HAUS6: variants seen among roughly 807,000 people sequenced by gnomAD.
The protein encoded by HAUS6 is HAUS augmin-like complex subunit 6.
HAUS6 carries 80 observed loss-of-function variants against 106.8 expected under a neutral mutation model. That is an observed-to-expected ratio of 0.75 (90% confidence interval 0.63 to 0.90). The LOEUF is 0.90. Ranked by LOEUF, HAUS6 falls within the 40% of genes least tolerant of loss-of-function variation. The pLI is 0.00. For synonymous variants in HAUS6, 356 were observed against 379.1 expected (o/e 0.94, Z 0.71); for missense variants, 1,155 against 1,118.1 (o/e 1.03, Z -0.47).
chr9:19,078,450 T>C (rs1837059681), intron 9 of HAUS6, 148 bp from the exon 10 acceptor site: 3 of 576,528 alleles, frequency 5.2e-6, no homozygotes, highest in Non-Finnish European at 9.3e-6. Context: ...AAATAAACTC[T>C]CACAGGTGAA....
intron 8 of HAUS6, among the ~76,000 whole-genome samples, chr9:19,081,724 C>T (rs1837155415): frequency 1.3e-5 from 2 of 152,122 alleles, no homozygotes. Context: ...TAGGTGTGAG[C>T]CACCATACCC....
chr9:19,101,749 G>A (rs918078178), intron 1 of HAUS6, among the ~76,000 whole-genome samples: 5 of 152,118 alleles, frequency 3.3e-5, no homozygotes, highest in Admixed American at 3.3e-4. Context: ...GTGAAACCCC[G>A]TCTCTACTAA....
At chr9:19,081,795 C>A (rs1009425550) in intron 8 of HAUS6, among the ~76,000 whole-genome samples, 1 of 151,980 alleles carries the variant, frequency 6.6e-6, no homozygotes. Flanking sequence ...GCCAGGCACA[C>A]TGGCTCACGC....
intron 12 of HAUS6, among the ~76,000 whole-genome samples, chr9:19,068,115 T>G (rs1047613551): frequency 6.6e-6 from 1 of 151,984 alleles, no homozygotes; most frequent in African/African-American, 2.4e-5. Context: ...AAATATTTAG[T>G]TTGCTCCCTC....
At chr9:19,083,480 G>C (rs923442422) in intron 7 of HAUS6, among the ~76,000 whole-genome samples, 9 of 152,140 alleles carry the variant, frequency 5.9e-5, no homozygotes, top group African/African-American at 2.2e-4. Flanking sequence ...ATCGAATGAA[G>C]ATCATTCAGG....
intron 1 of HAUS6, among the ~76,000 whole-genome samples, chr9:19,100,732 T>C (rs1388899234): frequency 6.6e-6 from 1 of 152,194 alleles, no homozygotes; most frequent in Non-Finnish European, 1.5e-5. Flanking sequence ...GTGGTATATA[T>C]ACACAATGGA....
intron 10 of HAUS6, among the ~76,000 whole-genome samples, chr9:19,077,188 G>T (rs979813532): frequency 6.6e-6 from 1 of 152,170 alleles, no homozygotes; most frequent in East Asian, 1.9e-4. Flanking sequence ...GAGCAAGGGG[G>T]ATTACTTAGT....
Position 19,062,350 on chromosome 9 carries a change from A to G in HAUS6, c.1629+658T>C, listed in dbSNP as rs78595646. ...AGCTAAGCAACAAACAACACTGACA[A>G]AAGTATTTTAATATAGTATAAACAC... On this transcript the variant is annotated intron_variant, in intron 14 of 16. Transcript: ENST00000380502. Among the ~76,000 whole-genome samples, 1,196 of 152,332 alleles carry G rather than the reference A, an allele frequency of 7.9e-3. 14 individuals carry two copies. The highest frequency in any genetic ancestry group is 0.028 in the African/African-American group (1,146 of 41,580).
chr9:19,100,522 G>C (rs532496336), intron 1 of HAUS6, among the ~76,000 whole-genome samples: 1 of 152,268 alleles, frequency 6.6e-6, no homozygotes, highest in East Asian at 1.9e-4. Context: ...GAAACCATAG[G>C]CTCCTTAAAA....
At chr9:19,075,575 G>C (rs1836979231) in intron 11 of HAUS6, among the ~76,000 whole-genome samples, 1 of 152,088 alleles carries the variant, frequency 6.6e-6, no homozygotes, top group East Asian at 1.9e-4. Flanking sequence ...CAGTGCAAGT[G>C]AAAGAAGCCA....
intron 4 of HAUS6, 182 bp from the exon 5 acceptor site, chr9:19,089,741 A>T: frequency 1.9e-6 from 1 of 528,222 alleles, no homozygotes; most frequent in Non-Finnish European, 3.3e-6. Flanking sequence ...GTTGAATTTC[A>T]ATATTAAGAA....
At chr9:19,060,278 C>A in intron 14 of HAUS6, 55 bp from the exon 15 acceptor site, 6 of 1,353,252 alleles carry the variant, frequency 4.4e-6, no homozygotes, top group Non-Finnish European at 5.9e-6. Context: ...TGGTAGAATG[C>A]AACAAAACCC....
intron 4 of HAUS6, among the ~76,000 whole-genome samples, chr9:19,092,072 C>T (rs1564020231): frequency 6.6e-6 from 1 of 152,126 alleles, no homozygotes; most frequent in Non-Finnish European, 1.5e-5. Context: ...TCCACTGGAA[C>T]CTATCAGACT....
At chr9:19,095,041 T>C (rs1251990676) in intron 2 of HAUS6, among the ~76,000 whole-genome samples, 1 of 151,694 alleles carries the variant, frequency 6.6e-6, no homozygotes, top group Non-Finnish European at 1.5e-5. Context: ...AATTAGTAAA[T>C]TAAGCCTGAA....
At chr9:19,075,103 G>A (rs1344043939) in intron 11 of HAUS6, among the ~76,000 whole-genome samples, 1 of 152,164 alleles carries the variant, frequency 6.6e-6, no homozygotes, top group Non-Finnish European at 1.5e-5. Context: ...GATGAACTTT[G>A]AAAACGCTAT....
At position 19,096,634 on chromosome 9, in the gene HAUS6, T is replaced by C. The variant is rs769610950; in HGVS notation, c.224+40A>G. 9.0e-6 allele frequency: 8 copies of C among 893,506 alleles called. No homozygotes were observed. In the East Asian group the frequency reaches 1.8e-4, roughly 20 times the overall value. The allele number at this position is 893,506 out of a possible 1,614,324, so 55.3% of individuals were successfully genotyped here. The stretch of plus-strand genomic sequence containing the variant: ...ATCAAAACGCTGTCCATTTTCAAAT[T>C]TGGAAAGAAATTTAAGAAAATGAAA... On this transcript the variant is annotated intron_variant, in intron 2 of 16. Coordinates refer to ENST00000380502, the MANE Select transcript of HAUS6 (RefSeq NM_017645.5).
chr9:19,092,903 C>T (rs1350406314), intron 4 of HAUS6, among the ~76,000 whole-genome samples: 2 of 120,680 alleles, frequency 1.7e-5, no homozygotes, highest in Non-Finnish European at 3.6e-5. Flanking sequence ...CCAGCTTGAG[C>T]GAAACTGTGT....
chr9:19,098,557 C>G, intron 1 of HAUS6, among the ~76,000 whole-genome samples: 1 of 152,196 alleles, frequency 6.6e-6, no homozygotes, highest in Middle Eastern at 3.4e-3. Flanking sequence ...AAATGAATCA[C>G]CTCTTTTTAT....
intron 11 of HAUS6, among the ~76,000 whole-genome samples, chr9:19,070,895 G>C (rs576558685): frequency 6.6e-5 from 10 of 152,326 alleles, no homozygotes; most frequent in Non-Finnish European, 1.3e-4. Context: ...CCAGACTGCA[G>C]AGTGGGAAGA....
Sources: gnomAD v4.1 joint callset for allele counts (sites outside exome capture counted in the v4.1 genomes callset) on GRCh38, gnomAD v4.1.1 for gene constraint, MANE v1.5 for transcripts, NCBI Gene and HGNC (gene_info 2026-07-23, HGNC 2026-07-21) for gene names.